The following PTCH2 variants were observed in gnomAD, a reference collection of about 807,000 sequenced individuals.
PTCH2 encodes the protein patched 2, also known as protein patched homolog 2.
A neutral mutation model predicts 117.9 loss-of-function variants in PTCH2; 96 were observed. The observed-to-expected ratio is 0.81, with a 90% CI of 0.69 to 0.96. The LOEUF (loss-of-function observed/expected upper bound fraction) is 0.96, where lower values mean the gene tolerates loss of function less well. Among genes scored for constraint, PTCH2 ranks in the 50% least tolerant of loss-of-function variants. The pLI, the probability that PTCH2 is intolerant of heterozygous loss-of-function variation, is 0.00. For missense variants in PTCH2, 1,379 were observed against 1,562.5 expected (o/e 0.88, Z 1.98); for synonymous variants, 615 against 660.9 (o/e 0.93, Z 1.06).
chr1:44,832,192 C>CT lies in PTCH2; in HGVS notation c.414dup (p.Ala139SerfsTer6). 1 of 1,614,208 alleles carries CT rather than the reference C, an allele frequency of 6.2e-7. No homozygotes were observed. Among genetic ancestry groups the CT allele is most frequent in the Non-Finnish European group, 8.5e-7 (1 of 1,180,030 alleles). ...ACTTGGACTTTACTGGCAGTGAGGG[C>CT]TGCCTGGAGGTGGAGGCCAAGTGCT... is the stretch of plus-strand genomic sequence containing the variant. On this transcript the variant is annotated frameshift_variant, in exon 3 of 22. Coordinates refer to ENST00000372192, the MANE Select transcript of PTCH2 (RefSeq NM_003738.5). LOFTEE classifies it high-confidence loss of function.
At position 44,838,520 on chromosome 1, in the gene PTCH2, C is replaced by T. The variant is rs542578413; in HGVS notation, c.265+3327G>A. On this transcript the variant is annotated intron_variant, in intron 2 of 21. Coordinates refer to ENST00000372192, the MANE Select transcript of PTCH2 (RefSeq NM_003738.5). ...CCTCCCAAAGTGCTAGGATTACAGG[C>T]GTGAGCCACCGTGCCAGGCCTTTGT... Among the ~76,000 whole-genome samples, 8 of 152,304 alleles carry T rather than the reference C, an allele frequency of 5.3e-5. No homozygotes were observed. In the East Asian group the frequency reaches 9.7e-4, roughly 18 times the overall value.
chr1:44,839,383 A>AAAAAAAT (rs1231819055), intron 2 of PTCH2, among the ~76,000 whole-genome samples: 1 of 146,642 alleles, frequency 6.8e-6, no homozygotes, highest in Admixed American at 6.8e-5. Context: ...AAAAAAAAAA[A>AAAAAAAT]CAGAAAGAAA....
Position 44,829,961 on chromosome 1 carries a change from C to A in PTCH2, c.883G>T (p.Glu295Ter), listed in dbSNP as rs1653357351. 1 of 1,614,060 alleles carries A rather than the reference C, an allele frequency of 6.2e-7. No individual in the cohort carries two copies. Among genetic ancestry groups the A allele is most frequent in the Non-Finnish European group, 8.5e-7 (1 of 1,180,032 alleles). Reference protein sequence around the residue: ...GFSHKFMHWQEELLLGGMARD... With the variant: ...GFSHKFMHWQ Reference sequence around the variant, plus strand: ...GCCATGCCTCCCAGCAGCAATTCCTCCTGCCAGTGCATGAATTTGTGGGAG... The same window carrying A: ...GCCATGCCTCCCAGCAGCAATTCCTACTGCCAGTGCATGAATTTGTGGGAG... Residue 295 changes from glutamate (E) to a stop codon, truncating the protein, a stop_gained, in exon 7 of 22, where the codon GAG becomes TAG. Coordinates refer to ENST00000372192, the MANE Select transcript of PTCH2 (RefSeq NM_003738.5). LOFTEE classifies it high-confidence loss of function.
At position 44,835,277 on chromosome 1, in the gene PTCH2, G is replaced by A. The variant is rs572283949; in HGVS notation, c.266-2936C>T. On this transcript the variant is annotated intron_variant, in intron 2 of 21. Transcript: ENST00000372192. ...TCCCTATGTTGCCCAGGCTGGTCTC[G>A]AACTCCTGGGCTCAAGTGATCCTCC... is the stretch of plus-strand genomic sequence containing the variant. Among the ~76,000 whole-genome samples, 9 of 152,082 alleles carry A rather than the reference G, an allele frequency of 5.9e-5. No homozygotes were observed. In the East Asian group the frequency reaches 1.5e-3, roughly 26 times the overall value.
downstream of PTCH2, chr1:44,820,748 T>C (rs529863437): frequency 9.7e-6 from 7 of 717,956 alleles, no homozygotes; most frequent in South Asian, 5.9e-5. Flanking sequence ...CTGGCTAACT[T>C]GCCCAGGGTT....
chr1:44,842,890 T>G lies in PTCH2; in HGVS notation c.43A>C (p.Thr15Pro), dbSNP rs1654018306. The G allele has an allele frequency of 1.3e-6, 2 of 1,550,000 alleles. No homozygotes were observed. The highest frequency in any genetic ancestry group is 8.7e-7 in the Non-Finnish European group (1 of 1,146,266). Residue 15 changes from threonine to proline, a missense_variant, in exon 1 of 22, where the codon ACA becomes CCA. Thr to Pro is a conservative substitution (Grantham distance 38). Transcript: ENST00000372192. ...PPLRELPPSY[T>P]PPARTAAPQI... is the part of the protein sequence containing the mutation. ...GGTGCTGCGGTTCGAGCTGGGGGTG[T>G]GTAACTCGGGGGCAGCTCTCTGAGG...
At chr1:44,839,769 G>A (rs1460394642) in intron 2 of PTCH2, among the ~76,000 whole-genome samples, 8 of 152,118 alleles carry the variant, frequency 5.3e-5, no homozygotes, top group Non-Finnish European at 1.2e-4. Context: ...CAGGCAGAGC[G>A]AGACATCTGC....
intron 11 of PTCH2, 36 bp from the exon 12 acceptor site, chr1:44,828,667 C>T (rs763043610): frequency 3.1e-6 from 5 of 1,602,218 alleles, no homozygotes; most frequent in African/African-American, 2.7e-5. Flanking sequence ...CCTCAGGTCA[C>T]AAGGGAGGGG....
chr1:44,826,561 A>G lies in PTCH2; in HGVS notation c.2903T>C (p.Val968Ala). The change falls in exon 18 of 22, where the codon GTC (valine) becomes GCC (alanine). Residue 968 changes from valine to alanine, a missense_variant. Coordinates refer to ENST00000372192, the MANE Select transcript of PTCH2 (RefSeq NM_003738.5). The surrounding 1 kb of genome is among the most constrained non-coding windows in gnomAD (Gnocchi z 5.1). Reference protein sequence around the residue: ...LGLRRCFLLAVCILLVCTFLV... With the variant: ...LGLRRCFLLAACILLVCTFLV... The stretch of plus-strand genomic sequence containing the variant: ...GAAAGTGCACACCAGCAGGATGCAG[A>G]CGGCCAGCAGGAAGCAGCGCCGCAG... 2 of 1,613,590 alleles carry G rather than the reference A, an allele frequency of 1.2e-6. No individual in the cohort carries two copies. Among genetic ancestry groups the G allele is most frequent in the Non-Finnish European group, 8.5e-7 (1 of 1,180,014 alleles).
chr1:44,824,734 G>A (rs775776945), intron 19 of PTCH2, among the ~76,000 whole-genome samples: 21 of 151,552 alleles, frequency 1.4e-4, no homozygotes, highest in African/African-American at 4.4e-4. Context: ...GTGCAGTGGC[G>A]CAATCTTGGC....
chr1:44,827,392 C>T lies in PTCH2; in HGVS notation c.2371+10G>A, dbSNP rs368320293. ...CAGCACCCCTCCCTGCCCGTCTCCT[C>T]GCCTCTCACCCTGTAGCCAGTTGCG... On this transcript the variant is annotated intron_variant, in intron 15 of 21. Coordinates refer to ENST00000372192, the MANE Select transcript of PTCH2 (RefSeq NM_003738.5). 24 of 1,613,832 alleles carry T rather than the reference C, an allele frequency of 1.5e-5. No homozygotes were observed. Among genetic ancestry groups the T allele is most frequent in the East Asian group, 6.7e-5 (3 of 44,894 alleles).
chr1:44,828,652 C>T, intron 11 of PTCH2, 21 bp from the exon 12 acceptor site: 1 of 1,608,556 alleles, frequency 6.2e-7, no homozygotes, highest in Non-Finnish European at 8.5e-7. Flanking sequence ...AGAGTGGGGA[C>T]CTGCCCTCAG....
intron 2 of PTCH2, among the ~76,000 whole-genome samples, chr1:44,841,034 G>A (rs1482176178): frequency 1.3e-5 from 2 of 151,904 alleles, no homozygotes; most frequent in African/African-American, 4.8e-5. Context: ...AGCCGGGTGT[G>A]TTGGTGGGCA....
rs748466420 is a variant in PTCH2 at position 44,830,050 on chromosome 1, G to C, written c.814-20C>G. On this transcript the variant is annotated intron_variant, in intron 6 of 21. Coordinates refer to ENST00000372192, the MANE Select transcript of PTCH2 (RefSeq NM_003738.5). ...GGGAGCCTGGAGGGGAACAGGAGGGGTTAATGCTCAAGGCCCTGGCCGTGG... is the reference window on the plus strand; with the variant it reads ...GGGAGCCTGGAGGGGAACAGGAGGGCTTAATGCTCAAGGCCCTGGCCGTGG... 6.2e-7 allele frequency: 1 copy of C among 1,613,414 alleles called. No homozygotes were observed. Among genetic ancestry groups the C allele is most frequent in the Non-Finnish European group, 8.5e-7 (1 of 1,179,672 alleles).
intron 2 of PTCH2, among the ~76,000 whole-genome samples, chr1:44,833,400 G>A (rs940055514): frequency 1.5e-4 from 22 of 151,218 alleles, no homozygotes; most frequent in African/African-American, 4.6e-4. Flanking sequence ...TGAGACTCAA[G>A]CCCCATCTGA....
chr1:44,827,035 C>A lies in PTCH2; in HGVS notation c.2562G>T (p.Glu854Asp). The change falls in exon 17 of 22, where the codon GAG becomes GAT. Residue 854 changes from glutamate (E) to aspartate (D), a missense_variant. Coordinates refer to ENST00000372192, the MANE Select transcript of PTCH2 (RefSeq NM_003738.5). ...LVDREGLIPP[E>D]LFYMGLTVWV... is the part of the protein sequence containing the mutation. ...ACACGGTCAGCCCCATGTAGAAGAGCTCGGGTGGAATCAGTCCCTCTCTGT... is the reference window on the plus strand; with the variant it reads ...ACACGGTCAGCCCCATGTAGAAGAGATCGGGTGGAATCAGTCCCTCTCTGT... 6.2e-7 allele frequency: 1 copy of A among 1,614,104 alleles called. No homozygotes were observed. Among genetic ancestry groups the A allele is most frequent in the Non-Finnish European group, 8.5e-7 (1 of 1,180,026 alleles).
At position 44,828,520 on chromosome 1, in the gene PTCH2, C is replaced by T. The variant is rs754731060; in HGVS notation, c.1576G>A (p.Ala526Thr). 3 of 1,614,162 alleles carry T rather than the reference C, an allele frequency of 1.9e-6. No individual in the cohort carries two copies. The highest frequency in any genetic ancestry group is 2.2e-5 in the South Asian group (2 of 91,086). The change falls in exon 12 of 22, where the codon GCC becomes ACC. Residue 526 changes from alanine to threonine, a missense_variant. Ala to Thr is a moderately conservative substitution (Grantham distance 58). Coordinates refer to ENST00000372192, the MANE Select transcript of PTCH2 (RefSeq NM_003738.5). Reference protein sequence around the residue: ...AALVPIPALRAFSLQAAIVVG... With the variant: ...AALVPIPALRTFSLQAAIVVG... ...AGAGGCCTCACCTGTAGGGAGAAGG[C>T]TCGCAGCGCAGGGATGGGAACGAGG...
At chr1:44,841,194 A>ACC (rs59372477) in intron 2 of PTCH2, among the ~76,000 whole-genome samples, 3,828 of 143,010 alleles carry the variant, frequency 0.027, 96 homozygotes, top group East Asian at 0.11. Context: ...CAAAAAAACA[A>ACC]CCCCCCCCAA....
rs148219007 is a variant in PTCH2, at chr1:44,842,945, G to C, written c.-13C>G. ...GCGATCGAGTCATGCTGGCGGGGAT[G>C]GGGGGCGCGGGCGCCCCCAACCCGC... On this transcript the variant is annotated 5_prime_UTR_variant, in exon 1 of 22. Transcript: ENST00000372192. 3,511 of 1,532,654 alleles carry C rather than the reference G, an allele frequency of 2.3e-3. 84 individuals carry two copies. In the African/African-American group the frequency reaches 0.043, roughly 19 times the overall value. The allele number at this position is 1,532,654 out of a possible 1,614,324, so 94.9% of individuals were successfully genotyped here. A position where few individuals can be genotyped will look rare whatever the true frequency, so the allele number is the denominator to read the frequency against.
Sources: gnomAD v4.1 joint callset for allele counts (sites outside exome capture counted in the v4.1 genomes callset) on GRCh38, gnomAD v4.1.1 for gene constraint, Gnocchi (gnomAD v3.1) non-coding constraint, MANE v1.5 for transcripts, NCBI Gene and HGNC (gene_info 2026-07-23, HGNC 2026-07-21) for gene names.